GLCCI1: variants seen among roughly 807,000 people sequenced by gnomAD.
The protein encoded by GLCCI1 is glucocorticoid-induced transcript 1 protein.
In GLCCI1, 24 loss-of-function variants were observed where a neutral mutation model predicts 52.2. The observed-to-expected ratio is 0.46, with a 90% CI of 0.33 to 0.65. The LOEUF (loss-of-function observed/expected upper bound fraction) is 0.65. Among genes scored for constraint, GLCCI1 ranks in the 30% least tolerant of loss-of-function variants. GLCCI1 has a pLI of 0.02. For synonymous variants in GLCCI1, 310 were observed against 276.5 expected (o/e 1.12, Z -1.20); for missense variants, 704 against 701.5 (o/e 1.00, Z -0.04).
At chr7:8,040,129 T>A (rs1781966399) in intron 3 of GLCCI1, among the ~76,000 whole-genome samples, 1 of 152,076 alleles carries the variant, frequency 6.6e-6, no homozygotes, top group Non-Finnish European at 1.5e-5. Context: ...AATGTATGAA[T>A]GGCAGATGAC....
chr7:7,981,254 CTT>C (rs1780609217), intron 1 of GLCCI1: 1 of 245,530 alleles, frequency 4.1e-6, no homozygotes, highest in African/African-American at 2.4e-5. Context: ...TTCTTTCTTT[CTT>C]TCTCTTTTTT....
chr7:7,997,523 TC>T (rs1467327847), intron 1 of GLCCI1, among the ~76,000 whole-genome samples: 1 of 152,208 alleles, frequency 6.6e-6, no homozygotes, highest in African/African-American at 2.4e-5. Flanking sequence ...TTCAGTCTGA[TC>T]TTGATGAATT....
intron 5 of GLCCI1, among the ~76,000 whole-genome samples, chr7:8,062,608 C>T (rs557174732): frequency 2.0e-5 from 3 of 152,330 alleles, no homozygotes; most frequent in South Asian, 2.1e-4. Context: ...TCAATCCTCA[C>T]CCTACTCCCA....
At chr7:8,070,692 G>A (rs1782742194) in intron 5 of GLCCI1, 1 of 478,728 alleles carries the variant, frequency 2.1e-6, no homozygotes, top group African/African-American at 2.0e-5. Flanking sequence ...GGTACATACA[G>A]TGAGCTATGG....
At chr7:7,983,189 A>C (rs1780657411) in intron 1 of GLCCI1, among the ~76,000 whole-genome samples, 1 of 146,736 alleles carries the variant, frequency 6.8e-6, no homozygotes, top group Non-Finnish European at 1.5e-5. Flanking sequence ...ACTGAAGAAA[A>C]TCTTACGGCC....
chr7:8,037,898 C>G (rs1457575663), intron 3 of GLCCI1, among the ~76,000 whole-genome samples: 1 of 152,134 alleles, frequency 6.6e-6, no homozygotes, highest in Non-Finnish European at 1.5e-5. Flanking sequence ...AAAGCAGATA[C>G]TGCTATACTT....
intron 2 of GLCCI1, among the ~76,000 whole-genome samples, chr7:8,017,353 T>A (rs974243223): frequency 1.3e-5 from 2 of 152,216 alleles, no homozygotes; most frequent in Non-Finnish European, 2.9e-5. Context: ...GGGTATATGG[T>A]CAACATGACA....
At chr7:8,085,912 T>C (rs889525481) in intron 7 of GLCCI1, among the ~76,000 whole-genome samples, 6 of 152,228 alleles carry the variant, frequency 3.9e-5, no homozygotes, top group African/African-American at 1.4e-4. Flanking sequence ...AGAAGACTTT[T>C]CCACCTTCCT....
chr7:7,979,009 C>T (rs1780553407), intron 1 of GLCCI1, among the ~76,000 whole-genome samples: 1 of 152,178 alleles, frequency 6.6e-6, no homozygotes, highest in Non-Finnish European at 1.5e-5. Flanking sequence ...GTTACTCTGA[C>T]ACATTGACCT....
At position 7,969,504 on chromosome 7, in the gene GLCCI1, GC is replaced by G; in HGVS notation, c.158del (p.Pro53ArgfsTer115). On this transcript the variant is annotated frameshift_variant, in exon 1 of 8. Coordinates refer to ENST00000223145, the MANE Select transcript of GLCCI1 (RefSeq NM_138426.4). LOFTEE classifies it high-confidence loss of function. This position sits in a 1 kb window ranked among gnomAD's most constrained non-coding sequence, Gnocchi z 4.9. ...GAGGGGGVGC[A>X]PAAGAGRLLQ... The stretch of plus-strand genomic sequence containing the variant: ...GGGCGGCGGCGGCGGCGTGGGCTGC[GC>G]CCCGGCTGCGGGAGCCGGCCGGCTG... 1.0e-6 allele frequency: 1 copy of G among 1,003,292 alleles called. No individual in the cohort carries two copies. The allele number at this position is 1,003,292 out of a possible 1,614,324, so 62.1% of individuals were successfully genotyped here. A position where few individuals can be genotyped will look rare whatever the true frequency, so the allele number is the denominator to read the frequency against.
intron 5 of GLCCI1, among the ~76,000 whole-genome samples, chr7:8,063,313 A>ATTTT (rs150640958): frequency 6.8e-6 from 1 of 147,354 alleles, no homozygotes; most frequent in Non-Finnish European, 1.5e-5. Context: ...AACTTTTTGT[A>ATTTT]TTTTTTTTTT....
At chr7:8,021,970 T>C (rs544387819) in intron 2 of GLCCI1, among the ~76,000 whole-genome samples, 27 of 152,348 alleles carry the variant, frequency 1.8e-4, no homozygotes, top group Non-Finnish European at 3.2e-4. Context: ...TTATGTGTTT[T>C]ATATAAAGAT....
intron 6 of GLCCI1, among the ~76,000 whole-genome samples, chr7:8,084,243 C>T (rs1170888519): frequency 2.0e-5 from 3 of 151,896 alleles, no homozygotes; most frequent in Non-Finnish European, 1.5e-5. Context: ...ATGAGGAAAA[C>T]GTGTTAGGTA....
At chr7:7,973,555 A>G (rs962212770) in intron 1 of GLCCI1, among the ~76,000 whole-genome samples, 1 of 152,126 alleles carries the variant, frequency 6.6e-6, no homozygotes, top group African/African-American at 2.4e-5. Context: ...ACCAAATCTG[A>G]TAACAAAAAC....
chr7:8,038,977 A>G (rs2127954013), intron 3 of GLCCI1, among the ~76,000 whole-genome samples: 1 of 152,346 alleles, frequency 6.6e-6, no homozygotes, highest in East Asian at 1.9e-4. Flanking sequence ...TTTTCAAAAG[A>G]AAACATGCAT....
intron 3 of GLCCI1, among the ~76,000 whole-genome samples, chr7:8,040,251 T>A (rs1011709286): frequency 2.6e-5 from 4 of 152,042 alleles, no homozygotes; most frequent in Non-Finnish European, 5.9e-5. Flanking sequence ...TTAGGGAGGC[T>A]GAGATGGAAG....
intron 6 of GLCCI1, among the ~76,000 whole-genome samples, chr7:8,075,121 C>T (rs991726927): frequency 6.6e-6 from 1 of 152,146 alleles, no homozygotes; most frequent in African/African-American, 2.4e-5. Flanking sequence ...AATTTGAGAC[C>T]TATAAAATAA....
At chr7:8,031,695 TA>T (rs869073292) in intron 3 of GLCCI1, among the ~76,000 whole-genome samples, 8 of 152,064 alleles carry the variant, frequency 5.3e-5, no homozygotes, top group East Asian at 1.9e-4. Flanking sequence ...CCACAATAAT[TA>T]AAAAATTTTT....
chr7:7,971,057 T>A (rs1780344147), intron 1 of GLCCI1, among the ~76,000 whole-genome samples: 1 of 152,248 alleles, frequency 6.6e-6, no homozygotes, highest in Non-Finnish European at 1.5e-5. Context: ...AATTAGCATG[T>A]TGCTAACGCA....
Sources: allele counts gnomAD v4.1 joint callset (sites outside exome capture counted in the v4.1 genomes callset), GRCh38; gene constraint gnomAD v4.1.1; non-coding constraint Gnocchi (gnomAD v3.1); transcripts MANE v1.5; gene names NCBI Gene and HGNC (gene_info 2026-07-23, HGNC 2026-07-21).